GRXCR1: variants seen among roughly 807,000 people sequenced by gnomAD.
GRXCR1 encodes glutaredoxin domain-containing cysteine-rich protein 1.
GRXCR1 carries 27 observed loss-of-function variants against 27.3 expected under a neutral mutation model. That is an observed-to-expected ratio of 0.99 (90% confidence interval 0.73 to 1.37). GRXCR1 has a LOEUF of 1.37. Ranked by LOEUF, GRXCR1 falls within the 40% of genes most tolerant of loss-of-function variation. GRXCR1 has a pLI of 0.00. For missense variants in GRXCR1, 379 were observed against 354.4 expected (o/e 1.07, Z -0.56); for synonymous variants, 122 against 131.1 (o/e 0.93, Z 0.47).
At chr4:42,952,663 C>T (rs1428180098) in intron 1 of GRXCR1, among the ~76,000 whole-genome samples, 1 of 152,080 alleles carries the variant, frequency 6.6e-6, no homozygotes. Context: ...AAGTCATACT[C>T]ATAGGAGCAG....
At chr4:42,936,696 G>C (rs1200476773) in intron 1 of GRXCR1, among the ~76,000 whole-genome samples, 1 of 151,670 alleles carries the variant, frequency 6.6e-6, no homozygotes, top group Non-Finnish European at 1.5e-5. Context: ...CATTTTCTCA[G>C]GCTTTTCTTG....
intron 2 of GRXCR1, among the ~76,000 whole-genome samples, chr4:42,992,478 T>C (rs1712003507): frequency 6.6e-6 from 1 of 152,130 alleles, no homozygotes; most frequent in Admixed American, 6.5e-5. Flanking sequence ...TTTTTCTGCC[T>C]CGAAGATTGC....
chr4:42,915,692 T>G (rs1746870130), intron 1 of GRXCR1, among the ~76,000 whole-genome samples: 1 of 152,108 alleles, frequency 6.6e-6, no homozygotes, highest in Admixed American at 6.5e-5. Flanking sequence ...ATTTTTTTTG[T>G]ACCTGTCATG....
Position 42,899,013 on chromosome 4 carries a change from T to C in GRXCR1, c.384+5363T>C, listed in dbSNP as rs1437970580. On this transcript the variant is annotated intron_variant, in intron 1 of 3. Transcript: ENST00000399770. ...CTGATATTTATGCACAATTAAAGAA[T>C]TGTAAACTGATAGAACTTAGAGTCC... Among the ~76,000 whole-genome samples, 3 of 152,094 alleles carry C rather than the reference T, an allele frequency of 2.0e-5. No individual in the cohort carries two copies. In the East Asian group the frequency reaches 5.8e-4, roughly 29 times the overall value.
At chr4:42,932,097 G>C (rs1024635943) in intron 1 of GRXCR1, among the ~76,000 whole-genome samples, 1 of 151,930 alleles carries the variant, frequency 6.6e-6, no homozygotes, top group Non-Finnish European at 1.5e-5. Context: ...TGTGGGAATT[G>C]TGGGAGCTAC....
At chr4:42,981,624 G>T (rs1748671758) in intron 2 of GRXCR1, among the ~76,000 whole-genome samples, 1 of 152,258 alleles carries the variant, frequency 6.6e-6, no homozygotes, top group South Asian at 2.1e-4. Context: ...AGATCTGGTG[G>T]TGATGAACTT....
intron 1 of GRXCR1, among the ~76,000 whole-genome samples, chr4:42,925,556 G>A (rs1440482590): frequency 6.6e-6 from 1 of 151,856 alleles, no homozygotes; most frequent in Non-Finnish European, 1.5e-5. Context: ...ATTTATTTCA[G>A]CAATTTTCTT....
chr4:43,016,867 G>A (rs12641055), intron 2 of GRXCR1, among the ~76,000 whole-genome samples: 31,505 of 151,926 alleles, frequency 0.21, 4,019 homozygotes, highest in Non-Finnish European at 0.28. Flanking sequence ...TTTATTCCTC[G>A]AAATGTGTAT....
intron 2 of GRXCR1, among the ~76,000 whole-genome samples, chr4:43,019,809 A>G (rs1000565541): frequency 2.0e-5 from 3 of 152,298 alleles, no homozygotes; most frequent in Admixed American, 2.0e-4. Flanking sequence ...CAATATCTGC[A>G]AATAATAGAG....
intron 1 of GRXCR1, among the ~76,000 whole-genome samples, chr4:42,929,231 G>C (rs1747243105): frequency 6.6e-6 from 1 of 151,918 alleles, no homozygotes; most frequent in Non-Finnish European, 1.5e-5. Context: ...ACCTGTCTGT[G>C]AACAAGAGGC....
intron 2 of GRXCR1, among the ~76,000 whole-genome samples, chr4:42,977,440 G>A (rs1748550156): frequency 1.3e-5 from 2 of 151,884 alleles, no homozygotes; most frequent in South Asian, 4.1e-4. Context: ...CACCAATAAT[G>A]TGCAAGTGTT....
At chr4:42,965,689 T>C (rs935991952) in intron 2 of GRXCR1, among the ~76,000 whole-genome samples, 15 of 151,984 alleles carry the variant, frequency 9.9e-5, no homozygotes, top group Non-Finnish European at 1.3e-4. Flanking sequence ...AAATCAAGAT[T>C]TGTGAATCAT....
At position 42,893,638 on chromosome 4, in the gene GRXCR1, C is replaced by T. The variant is rs1402517881; in HGVS notation, c.372C>T (p.Thr124=). The change falls in exon 1 of 4, where the codon ACC becomes ACT. Residue 124 remains threonine, a synonymous_variant. Transcript: ENST00000399770. Reference sequence around the variant, plus strand: ...GCCAGGCTCTATTTAACAATTTGACCAAAGTATTACAGGTAAGTCATTGCT... The same window carrying T: ...GCCAGGCTCTATTTAACAATTTGACTAAAGTATTACAGGTAAGTCATTGCT... ...SAGQALFNNL[T]KVLQQPSTDL... is the part of the protein sequence containing the mutation. The T allele has an allele frequency of 6.2e-7, 1 of 1,612,970 alleles. No individual in the cohort carries two copies. Among genetic ancestry groups the T allele is most frequent in the Non-Finnish European group, 8.5e-7 (1 of 1,179,548 alleles).
chr4:42,997,796 G>T (rs1712220961), intron 2 of GRXCR1, among the ~76,000 whole-genome samples: 1 of 151,976 alleles, frequency 6.6e-6, no homozygotes, highest in South Asian at 2.1e-4. Flanking sequence ...CACAATAAAG[G>T]CCCCTGCCCT....
intron 2 of GRXCR1, among the ~76,000 whole-genome samples, chr4:42,969,309 T>C (rs1330523636): frequency 6.6e-6 from 1 of 152,124 alleles, no homozygotes; most frequent in Non-Finnish European, 1.5e-5. Context: ...AAGATGTTGA[T>C]ATTTTTGTTT....
chr4:42,934,563 A>G (rs894030543), intron 1 of GRXCR1, among the ~76,000 whole-genome samples: 1 of 151,900 alleles, frequency 6.6e-6, no homozygotes, highest in East Asian at 1.9e-4. Flanking sequence ...TTCTTTTTGC[A>G]TCTTAGCTAA....
intron 3 of GRXCR1, among the ~76,000 whole-genome samples, chr4:43,022,448 T>A (rs555546740): frequency 6.6e-6 from 1 of 152,298 alleles, no homozygotes; most frequent in South Asian, 2.1e-4. Flanking sequence ...AAAGAAGATG[T>A]TTTTCTCTTC....
intron 2 of GRXCR1, among the ~76,000 whole-genome samples, chr4:43,000,568 T>G (rs1488403116): frequency 6.6e-6 from 1 of 151,908 alleles, no homozygotes; most frequent in Non-Finnish European, 1.5e-5. Context: ...ACAATGACCC[T>G]GAAGTGCAAG....
intron 1 of GRXCR1, among the ~76,000 whole-genome samples, chr4:42,904,591 A>T (rs1746542020): frequency 6.6e-6 from 1 of 152,112 alleles, no homozygotes; most frequent in Non-Finnish European, 1.5e-5. Context: ...TAGTTTCTTT[A>T]TTGGTCAAAT....
Sources: allele counts gnomAD v4.1 joint callset (sites outside exome capture counted in the v4.1 genomes callset), GRCh38; gene constraint gnomAD v4.1.1; transcripts MANE v1.5; gene names NCBI Gene and HGNC (gene_info 2026-07-23, HGNC 2026-07-21).